Variants in RORA observed in about 807,000 individuals in gnomAD.
The protein encoded by RORA is RAR related orphan receptor A, also known as nuclear receptor ROR-alpha.
Under a neutral mutation model 69.5 loss-of-function variants are expected in RORA, and 7 were observed. The ratio of observed to expected loss-of-function variants is 0.10; its 90% CI spans 0.06 to 0.19. The LOEUF is 0.19. Ranked by LOEUF, RORA falls within the 10% of genes least tolerant of loss-of-function variation. The probability of loss-of-function intolerance (pLI) is 1.00; values close to 1 mark genes in which losing one functional copy is unlikely to be tolerated. For missense variants in RORA, 457 were observed against 663.0 expected (o/e 0.69, Z 3.41); for synonymous variants, 261 against 240.8 (o/e 1.08, Z -0.78).
chr15:61,212,566 A>T (rs1481637537), intron 1 of RORA, among the ~76,000 whole-genome samples: 1 of 152,106 alleles, frequency 6.6e-6, no homozygotes. Flanking sequence ...TAATTTTTGT[A>T]TTTTTAGTAG....
intron 2 of RORA, among the ~76,000 whole-genome samples, chr15:60,618,827 T>G (rs1484696765): frequency 6.6e-6 from 1 of 152,226 alleles, no homozygotes; most frequent in African/African-American, 2.4e-5. Flanking sequence ...TTGCCATTTC[T>G]CCAAATCTTG....
intron 2 of RORA, among the ~76,000 whole-genome samples, chr15:60,565,562 T>G (rs1194075376): frequency 6.6e-6 from 1 of 152,256 alleles, no homozygotes; most frequent in African/African-American, 2.4e-5. Context: ...TTTCTCCAAA[T>G]GGATCTGTTT....
chr15:61,137,093 AAGAAAG>A (rs1567006712), intron 1 of RORA, among the ~76,000 whole-genome samples: 6 of 148,848 alleles, frequency 4.0e-5, no homozygotes, highest in African/African-American at 1.0e-4. Context: ...GAAAGAAAGA[AAGAAAG>A]AAAAAAGCAA....
chr15:60,557,034 C>A, intron 2 of RORA: 3 of 847,900 alleles, frequency 3.5e-6, no homozygotes, highest in Admixed American at 2.3e-5. Context: ...AATAAGTACC[C>A]AAAAAAGTAC....
chr15:61,101,909 G>A (rs375437533), intron 1 of RORA, among the ~76,000 whole-genome samples: 12 of 152,092 alleles, frequency 7.9e-5, no homozygotes, highest in African/African-American at 2.2e-4. Context: ...GAATCCATAT[G>A]AGACAGAGGT....
rs142323682 is a variant in RORA, at chr15:60,985,826, C to G, written c.166+243227G>C. Among the ~76,000 whole-genome samples, 815 of 152,232 alleles carry G rather than the reference C, an allele frequency of 5.4e-3. 12 individuals are homozygous for G. Among genetic ancestry groups the G allele is most frequent in the African/African-American group, 0.019 (780 of 41,520 alleles). ...TCTCAATCTCTTGACCTCATCCGCC[C>G]GCTTTGGCCTCCCAAAATGCTGGGA... On this transcript the variant is annotated intron_variant, in intron 1 of 10. Transcript: ENST00000335670.
chr15:60,518,023 ACTT>A (rs2066023939), intron 3 of RORA, among the ~76,000 whole-genome samples: 1 of 151,490 alleles, frequency 6.6e-6, no homozygotes, highest in Admixed American at 6.6e-5. Context: ...TTTCTTCACT[ACTT>A]CTTTTTTTCT....
At chr15:60,653,298 C>CGTGT (rs61265165) in intron 2 of RORA, among the ~76,000 whole-genome samples, 2,937 of 147,574 alleles carry the variant, frequency 0.02, 34 homozygotes, top group African/African-American at 0.035. Flanking sequence ...CAGGTGCATG[C>CGTGT]GTGTGTGTGT....
rs774321954 is a variant in RORA at position 60,661,448 on chromosome 15, G to T, written c.196+17209C>A. The stretch of plus-strand genomic sequence containing the variant: ...GTAATACCCAGGGCAGACTGATCAA[G>T]CTGCCATTGATGTCTATGGGCAGTT... On this transcript the variant is annotated intron_variant, in intron 2 of 10. Transcript: ENST00000335670. Among the ~76,000 whole-genome samples the T allele has an allele frequency of 3.7e-4, 57 of 152,298 alleles. 1 individual carries two copies. Among genetic ancestry groups the T allele is most frequent in the East Asian group, 7.7e-4 (4 of 5,184 alleles).
intron 1 of RORA, among the ~76,000 whole-genome samples, chr15:60,955,113 C>A (rs1893227440): frequency 6.6e-6 from 1 of 152,098 alleles, no homozygotes; most frequent in Non-Finnish European, 1.5e-5. Context: ...ACCAGCCTGG[C>A]CAACATGGTG....
chr15:61,143,423 T>C (rs921597410), intron 1 of RORA, among the ~76,000 whole-genome samples: 2 of 152,156 alleles, frequency 1.3e-5, no homozygotes, highest in African/African-American at 2.4e-5. Flanking sequence ...AATAAGAGTA[T>C]TTTGAAACTT....
At chr15:60,936,114 C>T (rs978963740) in intron 1 of RORA, among the ~76,000 whole-genome samples, 1 of 152,156 alleles carries the variant, frequency 6.6e-6, no homozygotes, top group Non-Finnish European at 1.5e-5. Flanking sequence ...CCATCAGAGT[C>T]CCTGTGCAAA....
At position 60,546,001 on chromosome 15, in the gene RORA, A is replaced by T. The variant is rs2067057069; in HGVS notation, c.197-14150T>A. Among the ~76,000 whole-genome samples, 2 of 152,180 alleles carry T rather than the reference A, an allele frequency of 1.3e-5. 1 individual carries two copies. Among genetic ancestry groups the T allele is most frequent in the South Asian group, 4.1e-4 (2 of 4,828 alleles). On this transcript the variant is annotated intron_variant, in intron 2 of 10. Coordinates refer to ENST00000335670, the MANE Select transcript of RORA (RefSeq NM_134261.3). ...AGAAAGCCAACTTTTGAACGTGGTGATCAGGTTGCCTTCAGTCTCTTCTAC... is the reference window on the plus strand; with the variant it reads ...AGAAAGCCAACTTTTGAACGTGGTGTTCAGGTTGCCTTCAGTCTCTTCTAC...
chr15:61,056,299 AGAT>A (rs1192173395), intron 1 of RORA, among the ~76,000 whole-genome samples: 2 of 152,220 alleles, frequency 1.3e-5, no homozygotes, highest in African/African-American at 2.4e-5. Context: ...TCCTTCCATT[AGAT>A]GAAGAAGCTG....
In RORA at chr15:60,641,154, A is replaced by G. The variant is rs554759985; in HGVS notation, c.196+37503T>C. On this transcript the variant is annotated intron_variant, in intron 2 of 10. Coordinates refer to ENST00000335670, the MANE Select transcript of RORA (RefSeq NM_134261.3). The stretch of plus-strand genomic sequence containing the variant: ...TTTTGTAGAGATGGGGTCTCGCCAC[A>G]TTGCCCAGGATGGTCTCGAACTCCT... 1.6e-4 allele frequency among the ~76,000 whole-genome samples: 25 copies of G among 152,046 alleles called. No individual in the cohort carries two copies. In the East Asian group the frequency reaches 4.5e-3, roughly 27 times the overall value.
intron 2 of RORA, among the ~76,000 whole-genome samples, chr15:60,573,268 T>C (rs946984088): frequency 1.3e-5 from 2 of 152,164 alleles, no homozygotes; most frequent in Non-Finnish European, 2.9e-5. Flanking sequence ...AGCGACATCA[T>C]AATGAAGTCC....
intron 2 of RORA, among the ~76,000 whole-genome samples, chr15:60,621,348 C>T (rs1181545546): frequency 1.3e-5 from 2 of 152,118 alleles, no homozygotes; most frequent in Non-Finnish European, 2.9e-5. Flanking sequence ...CCCTGGAAAC[C>T]CAGAGAAGCT....
rs1465831107 is a variant in RORA, at chr15:60,489,037, G to A, written c.*8418C>T. On this transcript the variant is annotated 3_prime_UTR_variant, in exon 11 of 11. Transcript: ENST00000335670. The stretch of plus-strand genomic sequence containing the variant: ...AATTGTCAAATGCTGACATGTGCTA[G>A]CCATTGTGCAGACGCAAAAAGATAC... The A allele has an allele frequency of 6.6e-6, 1 of 152,180 alleles. No individual in the cohort carries two copies. Among genetic ancestry groups the A allele is most frequent in the Non-Finnish European group, 1.5e-5 (1 of 68,036 alleles). 9.4% of individuals were successfully genotyped at this position (152,180 alleles called of 1,614,324 possible).
intron 1 of RORA, among the ~76,000 whole-genome samples, chr15:61,097,295 T>C (rs2078804621): frequency 6.6e-6 from 1 of 152,196 alleles, no homozygotes; most frequent in South Asian, 2.1e-4. Context: ...ATCTAAATTG[T>C]AATAGGCTTT....
Sources: gnomAD v4.1 joint callset for allele counts (sites outside exome capture counted in the v4.1 genomes callset) on GRCh38, gnomAD v4.1.1 for gene constraint, MANE v1.5 for transcripts, NCBI Gene and HGNC (gene_info 2026-07-23, HGNC 2026-07-21) for gene names.